The following LDLRAD4 variants were observed in gnomAD, a reference collection of about 807,000 sequenced individuals.
LDLRAD4 encodes the protein low density lipoprotein receptor class A domain containing 4.
A neutral mutation model predicts 17.0 loss-of-function variants in LDLRAD4; 5 were observed. The observed-to-expected ratio is 0.29, with a 90% confidence interval of 0.15 to 0.62. LDLRAD4 has a LOEUF of 0.62. Among genes scored for constraint, LDLRAD4 ranks in the 20% least tolerant of loss-of-function variants. The pLI is 0.84. For synonymous variants in LDLRAD4, 168 were observed against 171.8 expected (o/e 0.98, Z 0.17); for missense variants, 340 against 424.7 (o/e 0.80, Z 1.75).
At chr18:13,279,163 C>T (rs943453750) in intron 1 of LDLRAD4, among the ~76,000 whole-genome samples, 2 of 152,202 alleles carry the variant, frequency 1.3e-5, no homozygotes, top group Non-Finnish European at 2.9e-5. Flanking sequence ...TCTCGGGAAG[C>T]TGGGGTGGAA....
At chr18:13,581,170 A>G (rs192124208) in intron 3 of LDLRAD4, among the ~76,000 whole-genome samples, 11 of 152,384 alleles carry the variant, frequency 7.2e-5, no homozygotes, top group Non-Finnish European at 1.5e-4. Context: ...AATTTTGTGC[A>G]TGAAACAAAG....
intron 3 of LDLRAD4, among the ~76,000 whole-genome samples, chr18:13,549,824 C>T (rs2094412016): frequency 6.6e-6 from 1 of 152,056 alleles, no homozygotes; most frequent in Admixed American, 6.6e-5. Flanking sequence ...CTGGGGAAGC[C>T]AGCAGCAGAC....
intron 3 of LDLRAD4, among the ~76,000 whole-genome samples, chr18:13,496,011 G>A (rs956130811): frequency 1.2e-4 from 19 of 152,178 alleles, no homozygotes; most frequent in South Asian, 2.1e-4. Context: ...TTCTTCTGGC[G>A]CTCCCACCAC....
upstream of LDLRAD4, among the ~76,000 whole-genome samples, chr18:13,273,884 CT>C (rs1168365456): frequency 6.6e-6 from 1 of 152,198 alleles, no homozygotes; most frequent in African/African-American, 2.4e-5. Context: ...TCTTCTTGCT[CT>C]GCTTCTTAGG....
intron 1 of LDLRAD4, among the ~76,000 whole-genome samples, chr18:13,363,995 A>C (rs1197571264): frequency 6.6e-6 from 1 of 152,216 alleles, no homozygotes; most frequent in Admixed American, 6.5e-5. Context: ...TAAAGTAGTA[A>C]ACATAAATTT....
At chr18:13,295,517 A>T (rs1376376356) in intron 1 of LDLRAD4, among the ~76,000 whole-genome samples, 3 of 152,206 alleles carry the variant, frequency 2.0e-5, no homozygotes, top group Non-Finnish European at 4.4e-5. Flanking sequence ...ATAACATCAA[A>T]CATATCTTCC....
At chr18:13,327,323 G>C (rs1475645487) in intron 1 of LDLRAD4, among the ~76,000 whole-genome samples, 1 of 152,054 alleles carries the variant, frequency 6.6e-6, no homozygotes, top group Non-Finnish European at 1.5e-5. Flanking sequence ...TTGATGATGA[G>C]TGTATGTGGC....
chr18:13,398,440 T>TA lies in LDLRAD4; in HGVS notation c.40+10681dup. Reference sequence around the variant, plus strand: ...TACGTACATTTTACCACAGTGAACATAAACAGTTTTGAAAAAAAAGAAAAT... The same window carrying TA: ...TACGTACATTTTACCACAGTGAACATAAAACAGTTTTGAAAAAAAAGAAAAT... On this transcript the variant is annotated intron_variant, in intron 2 of 5. Coordinates refer to ENST00000359446, the Ensembl canonical transcript of LDLRAD4. This position sits in a 1 kb window ranked among gnomAD's most constrained non-coding sequence, Gnocchi z 4.8. 6.6e-6 allele frequency among the ~76,000 whole-genome samples: 1 copy of TA among 151,962 alleles called. No homozygotes were observed. The highest frequency in any genetic ancestry group is 1.9e-4 in the East Asian group (1 of 5,168).
chr18:13,639,178 T>C (rs75124911), intron 4 of LDLRAD4, among the ~76,000 whole-genome samples: 1 of 152,222 alleles, frequency 6.6e-6, no homozygotes, highest in Non-Finnish European at 1.5e-5. Flanking sequence ...AGTGCCTTCA[T>C]TGTTGATTAA....
chr18:13,573,361 TC>T (rs2148365113), intron 3 of LDLRAD4, among the ~76,000 whole-genome samples: 1 of 151,366 alleles, frequency 6.6e-6, no homozygotes, highest in South Asian at 2.1e-4. Flanking sequence ...CACCTCGGCC[TC>T]CCAAAGTGCT....
At chr18:13,499,855 G>A (rs546997911) in intron 3 of LDLRAD4, among the ~76,000 whole-genome samples, 4 of 152,260 alleles carry the variant, frequency 2.6e-5, no homozygotes, top group South Asian at 4.2e-4. Flanking sequence ...AAACCTCCAC[G>A]CTCCCTTTCC....
chr18:13,331,256 G>T (rs1159640066), intron 1 of LDLRAD4, among the ~76,000 whole-genome samples: 1 of 152,184 alleles, frequency 6.6e-6, no homozygotes, highest in African/African-American at 2.4e-5. Flanking sequence ...TGTCAGAACT[G>T]AGTTGAATTG....
At chr18:13,426,264 T>C (rs938913607) in intron 2 of LDLRAD4, among the ~76,000 whole-genome samples, 1 of 152,244 alleles carries the variant, frequency 6.6e-6, no homozygotes, top group Non-Finnish European at 1.5e-5. Context: ...AATATTCTCT[T>C]TTTGGTTACT....
chr18:13,578,831 T>TA (rs2094814405), intron 3 of LDLRAD4, among the ~76,000 whole-genome samples: 1 of 118,646 alleles, frequency 8.4e-6, no homozygotes, highest in Non-Finnish European at 1.7e-5. Flanking sequence ...CCGGGTCTTT[T>TA]TTTTTTTTTT....
At chr18:13,598,580 G>C (rs1333093895) in intron 3 of LDLRAD4, among the ~76,000 whole-genome samples, 1 of 152,196 alleles carries the variant, frequency 6.6e-6, no homozygotes, top group Admixed American at 6.5e-5. Flanking sequence ...CTGATTCTCT[G>C]TAAAATTGCT....
At chr18:13,388,568 C>A (rs1358729120) in intron 2 of LDLRAD4, among the ~76,000 whole-genome samples, 3 of 152,242 alleles carry the variant, frequency 2.0e-5, no homozygotes, top group African/African-American at 7.2e-5. Context: ...ACCCTATTCT[C>A]TGGTTCCGTG....
chr18:13,248,288 G>T (rs967755779), intron 1 of LDLRAD4, among the ~76,000 whole-genome samples: 30 of 152,256 alleles, frequency 2.0e-4, no homozygotes, highest in African/African-American at 7.0e-4. Context: ...AGCTGTGATT[G>T]TAAGAGCTGG....
At chr18:13,565,829 G>A (rs1044027738) in intron 3 of LDLRAD4, among the ~76,000 whole-genome samples, 1 of 152,214 alleles carries the variant, frequency 6.6e-6, no homozygotes, top group African/African-American at 2.4e-5. Context: ...TTGCGGGGTC[G>A]CACATTTTGG....
chr18:13,373,491 A>G (rs779597124), intron 1 of LDLRAD4, among the ~76,000 whole-genome samples: 24 of 151,998 alleles, frequency 1.6e-4, no homozygotes, highest in Non-Finnish European at 3.2e-4. Context: ...GAAATAATTG[A>G]TTTTTCCTCT....
Sources: allele counts gnomAD v4.1 joint callset (sites outside exome capture counted in the v4.1 genomes callset), GRCh38; gene constraint gnomAD v4.1.1; non-coding constraint Gnocchi (gnomAD v3.1); transcripts MANE v1.5; gene names NCBI Gene and HGNC (gene_info 2026-07-23, HGNC 2026-07-21).